Variants in ZNF254 observed in about 807,000 individuals in gnomAD.
The protein encoded by ZNF254 is zinc finger protein 254, also known as CTD-2017D11.1.
A neutral mutation model predicts 12.4 loss-of-function variants in ZNF254; 10 were observed. The ratio of observed to expected loss-of-function variants is 0.80; its 90% CI spans 0.50 to 1.36. The LOEUF is 1.36. Among genes scored for constraint, ZNF254 ranks in the 40% most tolerant of loss-of-function variants. The pLI is 0.00. For missense variants in ZNF254, 996 were observed against 763.9 expected, an observed-to-expected ratio of 1.30 and a Z score of -3.58; for synonymous variants, 305 against 253.4, an observed-to-expected ratio of 1.20 and a Z score of -1.93.
chr19:24,055,762 C>T (rs16999778), intron 2 of ZNF254, among the ~76,000 whole-genome samples: 3,125 of 152,214 alleles, frequency 0.021, 115 homozygotes, highest in African/African-American at 0.071. Flanking sequence ...ATTCAGCATG[C>T]GTATGAGGCT....
At chr19:24,119,986 A>G (rs1974370519) in intron 3 of ZNF254, among the ~76,000 whole-genome samples, 1 of 151,998 alleles carries the variant, frequency 6.6e-6, no homozygotes, top group African/African-American at 2.4e-5. Flanking sequence ...ATCCTCTTGT[A>G]TATTAGTCTG....
At chr19:24,122,447 AC>A (rs1468401895) in intron 3 of ZNF254, among the ~76,000 whole-genome samples, 4 of 151,304 alleles carry the variant, frequency 2.6e-5, no homozygotes, top group African/African-American at 4.9e-5. Flanking sequence ...CTGGTTTTAA[AC>A]TCCTGACCTT....
chr19:24,127,020 T>C lies in ZNF254; in HGVS notation c.1020T>C (p.His340=). 2 of 1,613,578 alleles carry C rather than the reference T, an allele frequency of 1.2e-6. No homozygotes were observed. Among genetic ancestry groups the C allele is most frequent in the Non-Finnish European group, 1.7e-6 (2 of 1,179,794 alleles). The change falls in exon 4 of 4, where the codon CAT becomes CAC. Residue 340 remains histidine, a synonymous_variant. Transcript: ENST00000357002. ...TATGGTCCTCAACACTAACTAGACA[T>C]AAGAGGATGCACACTGGAGAGAAAC... The part of the protein sequence containing the change: ...AFIWSSTLTR[H]KRMHTGEKPY...
intron 2 of ZNF254, among the ~76,000 whole-genome samples, chr19:24,071,550 A>G (rs1166310155): frequency 2.0e-5 from 3 of 152,228 alleles, no homozygotes; most frequent in African/African-American, 7.2e-5. Context: ...CCTCACCCAC[A>G]TAGGGCATTT....
At chr19:24,104,064 T>G (rs1973188950) in intron 1 of ZNF254, 1 of 152,306 alleles carries the variant, frequency 6.6e-6, no homozygotes, top group East Asian at 1.9e-4. Context: ...TTCACCATGT[T>G]GGCCAGGCTG....
intron 1 of ZNF254, among the ~76,000 whole-genome samples, chr19:24,041,773 G>C (rs951959858): frequency 2.0e-5 from 3 of 152,270 alleles, no homozygotes; most frequent in Admixed American, 2.0e-4. Flanking sequence ...AGCCAGCTGG[G>C]CTCCTGAGTC....
chr19:24,097,782 A>AAAAATAAAATAAAATAAAATAAAAT (rs141594384), intron 1 of ZNF254, among the ~76,000 whole-genome samples: 29 of 144,038 alleles, frequency 2.0e-4, no homozygotes, highest in Non-Finnish European at 3.9e-4. Context: ...ACTCTATCTC[A>AAAAATAAAATAAAATAAAATAAAAT]AAAATAAAAT....
At chr19:24,104,327 G>T (rs1258036270) in intron 1 of ZNF254, 3 of 152,198 alleles carry the variant, frequency 2.0e-5, no homozygotes, top group African/African-American at 7.2e-5. Context: ...GGTGGTAACA[G>T]GTGAACATGT....
At chr19:24,113,577 C>T (rs955017391) in intron 3 of ZNF254, among the ~76,000 whole-genome samples, 12 of 152,128 alleles carry the variant, frequency 7.9e-5, no homozygotes, top group African/African-American at 2.9e-4. Context: ...CAGCCAATAT[C>T]ATACTGAATG....
chr19:24,128,976 A>C lies in ZNF254; in HGVS notation c.*996A>C, dbSNP rs186419116. The C allele has an allele frequency of 1.3e-5, 2 of 151,516 alleles. No individual in the cohort carries two copies. Among genetic ancestry groups the C allele is most frequent in the African/African-American group, 4.9e-5 (2 of 41,066 alleles). 9.4% of individuals were successfully genotyped at this position (151,516 alleles called of 1,614,324 possible). On this transcript the variant is annotated 3_prime_UTR_variant, in exon 4 of 4. Transcript: ENST00000357002. ...CTGTTTCATCATTGCTGGTGTATTCATATGTGAAAGCATGTGACTAATTGT... is the reference window on the plus strand; with the variant it reads ...CTGTTTCATCATTGCTGGTGTATTCCTATGTGAAAGCATGTGACTAATTGT...
At chr19:24,055,340 C>T (rs75075660) in intron 2 of ZNF254, among the ~76,000 whole-genome samples, 22,151 of 150,742 alleles carry the variant, frequency 0.15, 1,895 homozygotes, top group Middle Eastern at 0.23. Context: ...AGTGCAGTGG[C>T]GCGATCTCAG....
chr19:24,106,043 AC>A lies in ZNF254; in HGVS notation c.135del (p.Tyr46ThrfsTer16). Reference protein sequence around the residue: ...QNLYRNVMLENYRNLAFLGIA... With the variant: ...QNLYRNVMLEXYRNLAFLGIA... ...TTATATAGAAATGTGATGTTAGAGA[AC>A]TACAGAAACCTGGCCTTCCTGGGTG... On this transcript the variant is annotated frameshift_variant, in exon 2 of 4. Transcript: ENST00000357002. LOFTEE classifies it high-confidence loss of function. 6.3e-7 allele frequency: 1 copy of A among 1,596,600 alleles called. No homozygotes were observed. Among genetic ancestry groups the A allele is most frequent in the Non-Finnish European group, 8.5e-7 (1 of 1,169,888 alleles).
In ZNF254 at chr19:24,112,369, G is replaced by C. The variant is rs554253197; in HGVS notation, c.253+5726G>C. Among the ~76,000 whole-genome samples, 446 of 144,836 alleles carry C rather than the reference G, an allele frequency of 3.1e-3. 11 individuals are homozygous for C. Among genetic ancestry groups the C allele is most frequent in the African/African-American group, 0.011 (437 of 39,126 alleles). ...TTACTGTAGCCTTGTAGTATAGTTT[G>C]AAGTCAGGTAGCATGATGCCTCCAG... is the stretch of plus-strand genomic sequence containing the variant. On this transcript the variant is annotated intron_variant, in intron 3 of 3. Coordinates refer to ENST00000357002, the MANE Select transcript of ZNF254 (RefSeq NM_203282.4).
chr19:24,044,165 G>A lies in ZNF254; in HGVS notation c.-189-2019G>A, dbSNP rs200230696. ...AGAGGCAGGAGAATTGCTTGAACCC[G>A]GGAGGCGGAGGTTGCACTGAGCCAA... On this transcript the variant is annotated intron_variant, in intron 1 of 4. Transcript: ENST00000613065. 3.9e-4 allele frequency among the ~76,000 whole-genome samples: 59 copies of A among 151,826 alleles called. No individual in the cohort carries two copies. In the East Asian group the frequency reaches 0.011, roughly 28 times the overall value.
chr19:24,100,610 ACAGT>A (rs1972958250), intron 1 of ZNF254, among the ~76,000 whole-genome samples: 2 of 152,112 alleles, frequency 1.3e-5, no homozygotes, highest in Admixed American at 6.5e-5. Flanking sequence ...CCCTTAATGT[ACAGT>A]CAATCAATAA....
chr19:24,093,514 C>A (rs781253058), intron 1 of ZNF254, among the ~76,000 whole-genome samples: 17 of 152,098 alleles, frequency 1.1e-4, no homozygotes, highest in Non-Finnish European at 2.5e-4. Flanking sequence ...ATAGTGCTTG[C>A]TAGTTATTCC....
chr19:24,087,971 A>C (rs1196085580), intron 1 of ZNF254, among the ~76,000 whole-genome samples: 1 of 137,544 alleles, frequency 7.3e-6, no homozygotes, highest in Non-Finnish European at 1.5e-5. Flanking sequence ...GCTGGAGTGC[A>C]GTGGTGTGAT....
chr19:24,087,756 A>G (rs993526615), intron 1 of ZNF254, among the ~76,000 whole-genome samples: 1 of 152,172 alleles, frequency 6.6e-6, no homozygotes, highest in Non-Finnish European at 1.5e-5. Context: ...AAATACTTTA[A>G]TAAAAGAATG....
chr19:24,047,748 C>G (rs182475644), intron 2 of ZNF254, among the ~76,000 whole-genome samples: 41 of 150,054 alleles, frequency 2.7e-4, no homozygotes, highest in African/African-American at 1.0e-3. Flanking sequence ...AGTGCAATGG[C>G]GTGATCTTGG....
Sources: allele counts gnomAD v4.1 joint callset (sites outside exome capture counted in the v4.1 genomes callset), GRCh38; gene constraint gnomAD v4.1.1; transcripts MANE v1.5; gene names NCBI Gene and HGNC (gene_info 2026-07-23, HGNC 2026-07-21).